The following CACNA1D variants were observed in gnomAD, a reference collection of about 807,000 sequenced individuals.
CACNA1D encodes the protein calcium voltage-gated channel subunit alpha1 D.
A neutral mutation model predicts 257.1 loss-of-function variants in CACNA1D; 55 were observed. The observed-to-expected ratio is 0.21, with a 90% CI of 0.17 to 0.27. The LOEUF is 0.27. Ranked by LOEUF, CACNA1D falls within the 10% of genes least tolerant of loss-of-function variation. The probability of loss-of-function intolerance (pLI) is 1.00; values close to 1 mark genes in which losing one functional copy is unlikely to be tolerated. For missense variants in CACNA1D, 1,876 were observed against 2,784.0 expected, an observed-to-expected ratio of 0.67 and a Z score of 7.34; for synonymous variants, 980 against 1,014.9, an observed-to-expected ratio of 0.97 and a Z score of 0.65.
intron 25 of CACNA1D, among the ~76,000 whole-genome samples, chr3:53,747,071 G>A (rs997129968): frequency 6.6e-6 from 1 of 152,162 alleles, no homozygotes; most frequent in Admixed American, 6.5e-5. Flanking sequence ...GGCTGCTCTG[G>A]AGAATACACG....
intron 29 of CACNA1D, among the ~76,000 whole-genome samples, chr3:53,755,172 G>A (rs2095255457): frequency 6.6e-6 from 1 of 152,136 alleles, no homozygotes; most frequent in Admixed American, 6.5e-5. Context: ...TAAGAACATC[G>A]AAGGTACTTG....
intron 3 of CACNA1D, among the ~76,000 whole-genome samples, chr3:53,624,554 C>A (rs1026794147): frequency 6.6e-6 from 1 of 152,190 alleles, no homozygotes; most frequent in Non-Finnish European, 1.5e-5. Flanking sequence ...CCCAGCCTAG[C>A]TGTAATCACC....
Position 53,501,720 on chromosome 3 carries a change from G to T in CACNA1D, c.483G>T (p.Leu161Phe). 6.6e-7 allele frequency: 1 copy of T among 1,509,536 alleles called. No homozygotes were observed. Among genetic ancestry groups the T allele is most frequent in the Non-Finnish European group, 9.2e-7 (1 of 1,085,440 alleles). The allele number at this position is 1,509,536 out of a possible 1,614,324, so 93.5% of individuals were successfully genotyped here. A position where few individuals can be genotyped will look rare whatever the true frequency, so the allele number is the denominator to read the frequency against. ...EDDSNSTNHN[L>F]EKVEYAFLII... ...ATTCTAATTCAACAAATCATAACTT[G>T]GTAAGTGTCCTTAGAGTTCCTGCTG... Residue 161 changes from leucine to phenylalanine, a missense_variant and splice_region_variant, in exon 3 of 48, where the codon TTG (leucine) becomes TTT (phenylalanine). Coordinates refer to ENST00000350061, the MANE Select transcript of CACNA1D (RefSeq NM_001128840.3).
intron 3 of CACNA1D, among the ~76,000 whole-genome samples, chr3:53,570,305 G>A (rs1232653519): frequency 6.6e-6 from 1 of 152,172 alleles, no homozygotes; most frequent in Non-Finnish European, 1.5e-5. Context: ...AGCTTATTTT[G>A]TGGGGGAGGT....
intron 3 of CACNA1D, among the ~76,000 whole-genome samples, chr3:53,598,419 A>G (rs1025738844): frequency 2.0e-5 from 3 of 151,624 alleles, no homozygotes; most frequent in African/African-American, 7.3e-5. Flanking sequence ...CTACTAAAAA[A>G]AAAAAAACCC....
At chr3:53,606,536 G>A (rs17053263) in intron 3 of CACNA1D, among the ~76,000 whole-genome samples, 15,826 of 152,220 alleles carry the variant, frequency 0.1, 896 homozygotes, top group East Asian at 0.17. Flanking sequence ...GAAATGACAG[G>A]CACCTAGAAT....
At chr3:53,766,654 A>T (rs2095334119) in intron 30 of CACNA1D, among the ~76,000 whole-genome samples, 1 of 152,186 alleles carries the variant, frequency 6.6e-6, no homozygotes, top group South Asian at 2.1e-4. Context: ...CCCTGTGGGA[A>T]GAGGCTCGAG....
chr3:53,701,849 A>G (rs998342303), intron 8 of CACNA1D, among the ~76,000 whole-genome samples: 2 of 152,224 alleles, frequency 1.3e-5, no homozygotes, highest in Non-Finnish European at 2.9e-5. Context: ...ACAATTGGGA[A>G]CATTTACCTG....
chr3:53,713,997 T>C (rs2094791623), intron 9 of CACNA1D, among the ~76,000 whole-genome samples: 1 of 152,224 alleles, frequency 6.6e-6, no homozygotes, highest in South Asian at 2.1e-4. Flanking sequence ...AATATAGGCC[T>C]TGAGCTTCTC....
chr3:53,767,726 T>A (rs1044666359), intron 30 of CACNA1D, among the ~76,000 whole-genome samples: 1 of 152,178 alleles, frequency 6.6e-6, no homozygotes, highest in Non-Finnish European at 1.5e-5. Flanking sequence ...GGCCTCCCCT[T>A]TTCATTGGGC....
intron 3 of CACNA1D, among the ~76,000 whole-genome samples, chr3:53,650,375 A>T (rs1323002321): frequency 3.3e-5 from 5 of 152,344 alleles, no homozygotes; most frequent in African/African-American, 7.2e-5. Context: ...CTGTTCAAAG[A>T]CACCATTGGA....
intron 15 of CACNA1D, among the ~76,000 whole-genome samples, chr3:53,729,227 T>A (rs1230549662): frequency 6.6e-6 from 1 of 152,182 alleles, no homozygotes; most frequent in Non-Finnish European, 1.5e-5. Context: ...GTCAAAGGCT[T>A]TTTGAGTCTT....
intron 8 of CACNA1D, among the ~76,000 whole-genome samples, chr3:53,685,686 G>A (rs886779482): frequency 6.6e-6 from 1 of 152,030 alleles, no homozygotes; most frequent in Non-Finnish European, 1.5e-5. Flanking sequence ...CTTCCCAAAT[G>A]TTTGGAAATT....
chr3:53,614,386 G>C (rs2093614897), intron 3 of CACNA1D, among the ~76,000 whole-genome samples: 1 of 152,106 alleles, frequency 6.6e-6, no homozygotes, highest in South Asian at 2.1e-4. Context: ...GGGAAGATGT[G>C]GGAGATATCT....
chr3:53,506,099 A>G (rs937998245), intron 3 of CACNA1D, among the ~76,000 whole-genome samples: 2 of 152,124 alleles, frequency 1.3e-5, no homozygotes, highest in African/African-American at 4.8e-5. Flanking sequence ...TATATGGTGG[A>G]GGTTAGGTCT....
At chr3:53,781,536 T>A (rs376903340) in intron 38 of CACNA1D, 30 bp from the exon 39 acceptor site, 1 of 1,460,508 alleles carries the variant, frequency 6.8e-7, no homozygotes, top group African/African-American at 1.4e-5. Context: ...AAATGAGGCT[T>A]GCTTTTCCCC....
intron 9 of CACNA1D, among the ~76,000 whole-genome samples, chr3:53,717,184 G>C (rs895571802): frequency 1.3e-5 from 2 of 152,240 alleles, no homozygotes; most frequent in Non-Finnish European, 2.9e-5. Flanking sequence ...GAAAAAGGAA[G>C]TACACGTGGA....
intron 8 of CACNA1D, among the ~76,000 whole-genome samples, chr3:53,680,708 A>G (rs990372723): frequency 2.6e-5 from 4 of 152,244 alleles, no homozygotes; most frequent in Non-Finnish European, 5.9e-5. Flanking sequence ...AATTGGAGGC[A>G]TTAACAATTG....
chr3:53,506,614 A>T (rs2090857603), intron 3 of CACNA1D, among the ~76,000 whole-genome samples: 1 of 152,262 alleles, frequency 6.6e-6, no homozygotes, highest in Non-Finnish European at 1.5e-5. Context: ...TCCATGGTAT[A>T]TTCTTGTAGA....
Sources: gnomAD v4.1 joint callset for allele counts (sites outside exome capture counted in the v4.1 genomes callset) on GRCh38, gnomAD v4.1.1 for gene constraint, MANE v1.5 for transcripts, NCBI Gene and HGNC (gene_info 2026-07-23, HGNC 2026-07-21) for gene names.